Variants in ACOT11 observed in about 807,000 individuals in gnomAD.
ACOT11 encodes acyl-CoA thioesterase 11.
ACOT11 carries 69 observed loss-of-function variants against 77.5 expected under a neutral mutation model. The observed-to-expected ratio is 0.89, with a 90% confidence interval of 0.73 to 1.09. The LOEUF (loss-of-function observed/expected upper bound fraction) is 1.09. ACOT11 is among the 50% of genes least tolerant of loss of function. ACOT11 has a pLI of 0.00. For synonymous variants in ACOT11, 279 were observed against 313.0 expected, an observed-to-expected ratio of 0.89 and a Z score of 1.15; for missense variants, 766 against 813.7, an observed-to-expected ratio of 0.94 and a Z score of 0.71.
At position 54,609,178 on chromosome 1, in the gene ACOT11, G is replaced by T. The variant is rs564547713; in HGVS notation, c.*66G>T. The T allele has an allele frequency of 3.1e-6, 5 of 1,605,698 alleles. No individual in the cohort carries two copies. The African/African-American group carries it at 5.4e-5, about 17-fold the overall frequency. On this transcript the variant is annotated 3_prime_UTR_variant, in exon 16 of 16. Coordinates refer to ENST00000343744, the MANE Select transcript of ACOT11 (RefSeq NM_147161.4). Reference sequence around the variant, plus strand: ...CTGTCCCCAAGGACTCACATACAGTGCCTGGAGAAAGCCAAAGACCTTTAT... The same window carrying T: ...CTGTCCCCAAGGACTCACATACAGTTCCTGGAGAAAGCCAAAGACCTTTAT...
At chr1:54,582,802 C>T (rs920228119) in intron 1 of ACOT11, among the ~76,000 whole-genome samples, 5 of 152,252 alleles carry the variant, frequency 3.3e-5, no homozygotes, top group Admixed American at 3.3e-4. Flanking sequence ...GCCCAGAAAC[C>T]CCAGGCAGTC....
chr1:54,608,115 A>C (rs752827016), intron 15 of ACOT11, 47 bp downstream of exon 15: 1 of 1,581,360 alleles, frequency 6.3e-7, no homozygotes, highest in Non-Finnish European at 8.6e-7. Context: ...CTCCACCCCA[A>C]CACCACACGT....
intron 10 of ACOT11, among the ~76,000 whole-genome samples, chr1:54,603,102 C>T (rs569092352): frequency 1.3e-5 from 2 of 152,294 alleles, no homozygotes; most frequent in African/African-American, 4.8e-5. Flanking sequence ...TTTGGGAGGC[C>T]GAGGCAGGCA....
At chr1:54,599,907 G>T (rs1569749022) in intron 8 of ACOT11, among the ~76,000 whole-genome samples, 2 of 152,216 alleles carry the variant, frequency 1.3e-5, no homozygotes, top group Non-Finnish European at 2.9e-5. Flanking sequence ...AATTTCAGAG[G>T]TCATTATTTA....
In ACOT11 at chr1:54,602,566, A is replaced by G. The variant is rs999161198; in HGVS notation, c.1030-103A>G. On this transcript the variant is annotated intron_variant, in intron 9 of 15. Coordinates refer to ENST00000343744, the MANE Select transcript of ACOT11 (RefSeq NM_147161.4). The stretch of plus-strand genomic sequence containing the variant: ...TTCCAGCTGCCCCAGCGACACCTGA[A>G]CTCCACGTTAGGGCTGCAGGAACTC... The G allele has an allele frequency of 4.4e-6, 5 of 1,144,746 alleles. No individual in the cohort carries two copies. The African/African-American group carries it at 8.1e-5, about 19-fold the overall frequency. The allele number at this position is 1,144,746 out of a possible 1,614,324, so 70.9% of individuals were successfully genotyped here.
chr1:54,561,095 T>TG (rs879876062), intron 1 of ACOT11, among the ~76,000 whole-genome samples: 11,818 of 145,740 alleles, frequency 0.081, 832 homozygotes, highest in African/African-American at 0.18. Context: ...TTTTTTATTT[T>TG]TTTTTATTTT....
In ACOT11 at chr1:54,608,950, C is replaced by G; in HGVS notation, c.1630-7C>G. 4 of 1,613,722 alleles carry G rather than the reference C, an allele frequency of 2.5e-6. No homozygotes were observed. In the South Asian group the frequency reaches 3.3e-5, roughly 13 times the overall value. ...GGTCCCCCTGAGCTTGGCTTCCCAC[C>G]CTGCAGGTATCCTACTACAACCAGG... On this transcript the variant is annotated splice_polypyrimidine_tract_variant and splice_region_variant and intron_variant, in intron 15 of 15. Transcript: ENST00000343744.
intron 13 of ACOT11, among the ~76,000 whole-genome samples, chr1:54,606,162 T>A (rs1569764916): frequency 1.3e-5 from 2 of 152,312 alleles, no homozygotes; most frequent in African/African-American, 4.8e-5. Context: ...CCCAGCTGAC[T>A]CAGGCCTGCT....
In ACOT11 at chr1:54,548,452, C is replaced by G. The variant is rs559396004; in HGVS notation, c.33+110C>G. 5 of 1,338,832 alleles carry G rather than the reference C, an allele frequency of 3.7e-6. No homozygotes were observed. In the African/African-American group the frequency reaches 7.3e-5, roughly 20 times the overall value. 82.9% of individuals were successfully genotyped at this position (1,338,832 alleles called of 1,614,324 possible). On this transcript the variant is annotated intron_variant, in intron 1 of 15. Coordinates refer to ENST00000343744, the MANE Select transcript of ACOT11 (RefSeq NM_147161.4). ...GCTCTGCATCTCCTCACACTCTCCACGGGCCATTTTCTAGCTCTCTTTGGA... is the reference window on the plus strand; with the variant it reads ...GCTCTGCATCTCCTCACACTCTCCAGGGGCCATTTTCTAGCTCTCTTTGGA...
chr1:54,619,780 G>T, intron 15 of ACOT11: 2 of 1,413,234 alleles, frequency 1.4e-6, no homozygotes, highest in South Asian at 1.2e-5. Context: ...CCACCACAGT[G>T]ACCAGTGTCT....
chr1:54,548,266 TTG>T lies in ACOT11; in HGVS notation c.-40_-39del, dbSNP rs1557641350. The T allele has an allele frequency of 6.3e-7, 1 of 1,577,532 alleles. No individual in the cohort carries two copies. The highest frequency in any genetic ancestry group is 2.3e-5 in the East Asian group (1 of 43,122). On this transcript the variant is annotated 5_prime_UTR_variant, in exon 1 of 16. Coordinates refer to ENST00000343744, the MANE Select transcript of ACOT11 (RefSeq NM_147161.4). ...CCTGGCTGTTGCTCAGGTGACCAGC[TTG>T]TGTCTCTGGGAGGGCGCTGCTTTCC...
intron 1 of ACOT11, among the ~76,000 whole-genome samples, chr1:54,554,351 A>ATATATT (rs1553161034): frequency 2.8e-4 from 27 of 97,250 alleles, no homozygotes; most frequent in African/African-American, 6.0e-4. Context: ...ATATATATAT[A>ATATATT]TTTTTTTTTT....
At chr1:54,608,672 T>C (rs560257494) in intron 15 of ACOT11, among the ~76,000 whole-genome samples, 70 of 152,190 alleles carry the variant, frequency 4.6e-4, no homozygotes, top group African/African-American at 1.6e-3. Context: ...GCCCCTGCCC[T>C]CCAGGGCCTC....
chr1:54,639,159 C>T (rs1412088490), exon 17 of ACOT11: 4 of 134,036 alleles, frequency 3.0e-5, no homozygotes, highest in African/African-American at 8.5e-5. Flanking sequence ...CACACCACTG[C>T]ACTCCAGCCT....
intron 1 of ACOT11, chr1:54,548,717 C>A: frequency 3.6e-6 from 1 of 274,804 alleles, no homozygotes; most frequent in South Asian, 5.5e-5. Context: ...GCTCAGGACC[C>A]CAAAGCCACA....
chr1:54,607,872 T>C lies in ACOT11; in HGVS notation c.1503-70T>C. 1 of 1,592,784 alleles carries C rather than the reference T, an allele frequency of 6.3e-7. No individual in the cohort carries two copies. Among genetic ancestry groups the C allele is most frequent in the Non-Finnish European group, 8.6e-7 (1 of 1,166,452 alleles). On this transcript the variant is annotated intron_variant, in intron 14 of 15. Transcript: ENST00000343744. This position sits in a 1 kb window ranked among gnomAD's most constrained non-coding sequence, Gnocchi z 4.5. ...AGAGGGGGCAGGGTCTCGGCCTTGG[T>C]TGGGCAGAACAGGCCCCCACTTTCT... is the stretch of plus-strand genomic sequence containing the variant.
Position 54,620,003 on chromosome 1 carries a change from A to G in ACOT11, c.1630-10731A>G, listed in dbSNP as rs142765170. Reference sequence around the variant, plus strand: ...CATCAGGGCTGCAGGCCTCCAGCTCACAGCCTGGAAGGAATCCCAAGGGGC... The same window carrying G: ...CATCAGGGCTGCAGGCCTCCAGCTCGCAGCCTGGAAGGAATCCCAAGGGGC... On this transcript the variant is annotated intron_variant, in intron 15 of 16. Transcript: ENST00000371316. The G allele has an allele frequency of 8.6e-4, 1,382 of 1,610,650 alleles. 13 individuals carry two copies. In the African/African-American group the frequency reaches 0.016, roughly 19 times the overall value.
chr1:54,558,763 G>T (rs1467716111), intron 1 of ACOT11, among the ~76,000 whole-genome samples: 1 of 152,194 alleles, frequency 6.6e-6, no homozygotes, highest in Non-Finnish European at 1.5e-5. Context: ...CTGAGGGCAG[G>T]CTTCCAGGAC....
chr1:54,622,344 GC>G (rs931821248), intron 15 of ACOT11, among the ~76,000 whole-genome samples: 18 of 151,060 alleles, frequency 1.2e-4, no homozygotes, highest in African/African-American at 3.9e-4. Context: ...ACTTTGGGAG[GC>G]CAAGATGGGC....
Sources: gnomAD v4.1 joint callset for allele counts (sites outside exome capture counted in the v4.1 genomes callset) on GRCh38, gnomAD v4.1.1 for gene constraint, Gnocchi (gnomAD v3.1) non-coding constraint, MANE v1.5 for transcripts, NCBI Gene and HGNC (gene_info 2026-07-23, HGNC 2026-07-21) for gene names.